TACC2: variants seen among roughly 807,000 people sequenced by gnomAD.
The protein encoded by TACC2 is transforming acidic coiled-coil-containing protein 2.
A neutral mutation model predicts 227.3 loss-of-function variants in TACC2; 137 were observed. The ratio of observed to expected loss-of-function variants is 0.60; its 90% CI spans 0.52 to 0.69. TACC2 has a LOEUF of 0.69. Among genes scored for constraint, TACC2 ranks in the 30% least tolerant of loss-of-function variants. TACC2 has a pLI of 0.00. For synonymous variants in TACC2, 1,523 were observed against 1,487.5 expected (o/e 1.02, Z -0.55); for missense variants, 3,470 against 3,694.4 (o/e 0.94, Z 1.57).
Position 122,083,346 on chromosome 10 carries a change from C to T in TACC2, c.846C>T (p.Ala282=). Residue 282 remains alanine (A), a synonymous_variant, in exon 4 of 23, where the codon GCC becomes GCT. Coordinates refer to ENST00000369005, the MANE Select transcript of TACC2 (RefSeq NM_206862.4). The part of the protein sequence containing the change: ...KPMAPIPQDP[A]PRASDRERGQ... ...TGGCCCCGATCCCACAAGATCCAGCCCCAAGAGCCTCAGACAGAGAAAGAG... is the reference window on the plus strand; with the variant it reads ...TGGCCCCGATCCCACAAGATCCAGCTCCAAGAGCCTCAGACAGAGAAAGAG... 1 of 1,613,984 alleles carries T rather than the reference C, an allele frequency of 6.2e-7. No homozygotes were observed.
chr10:122,099,657 C>G (rs576876843), intron 5 of TACC2, among the ~76,000 whole-genome samples: 48 of 152,334 alleles, frequency 3.2e-4, no homozygotes, highest in Non-Finnish European at 6.5e-4. Flanking sequence ...CGGCAACCCT[C>G]CTGCAAATGC....
Position 122,254,084 on chromosome 10 carries a change from T to C in TACC2, c.*28T>C. On this transcript the variant is annotated 3_prime_UTR_variant, in exon 23 of 23. Transcript: ENST00000369005. ...CTGAACCGAATGTTTTGGACTTAAC[T>C]GTTGCGTGCAATATGACCGTCGGCA... 1 of 1,602,798 alleles carries C rather than the reference T, an allele frequency of 6.2e-7. No individual in the cohort carries two copies. The highest frequency in any genetic ancestry group is 8.6e-7 in the Non-Finnish European group (1 of 1,169,588).
chr10:122,105,988 A>AT (rs35421851), intron 5 of TACC2, among the ~76,000 whole-genome samples: 3,113 of 124,664 alleles, frequency 0.025, 154 homozygotes, highest in African/African-American at 0.089. Flanking sequence ...ATACATATAC[A>AT]TTTTTTTTTT....
At chr10:122,179,156 C>G (rs2093867363) in intron 7 of TACC2, among the ~76,000 whole-genome samples, 1 of 152,168 alleles carries the variant, frequency 6.6e-6, no homozygotes, top group Non-Finnish European at 1.5e-5. Flanking sequence ...TTTCTTTTAT[C>G]ATGAAATTGA....
intron 7 of TACC2, among the ~76,000 whole-genome samples, chr10:122,149,549 AACAC>A (rs1400054982): frequency 2.8e-5 from 4 of 145,298 alleles, no homozygotes; most frequent in Non-Finnish European, 6.0e-5. Context: ...TCCCTCTGTC[AACAC>A]TTCTCCAAGA....
At chr10:122,097,986 C>T (rs1420501851) in intron 5 of TACC2, among the ~76,000 whole-genome samples, 1 of 152,106 alleles carries the variant, frequency 6.6e-6, no homozygotes, top group Non-Finnish European at 1.5e-5. Context: ...GCTTTCAGGA[C>T]ACGCTGGGTA....
chr10:122,085,069 G>A lies in TACC2; in HGVS notation c.2569G>A (p.Glu857Lys). Residue 857 changes from glutamate to lysine, a missense_variant, in exon 4 of 23, where the codon GAG becomes AAG. Coordinates refer to ENST00000369005, the MANE Select transcript of TACC2 (RefSeq NM_206862.4). The part of the protein sequence containing the change: ...EQAQPPENGK[E>K]TSPSHPGFKD... ...GGCCCAGCCACCTGAAAATGGGAAA[G>A]AGACTTCTCCAAGCCATCCAGGTTT... is the stretch of plus-strand genomic sequence containing the variant. The A allele has an allele frequency of 6.2e-7, 1 of 1,614,200 alleles. No homozygotes were observed. Among genetic ancestry groups the A allele is most frequent in the Non-Finnish European group, 8.5e-7 (1 of 1,180,038 alleles).
At position 122,150,872 on chromosome 10, in the gene TACC2, C is replaced by T. The variant is rs958661871; in HGVS notation, c.5834+7166C>T. On this transcript the variant is annotated intron_variant, in intron 7 of 22. Transcript: ENST00000369005. This position sits in a 1 kb window ranked among gnomAD's most constrained non-coding sequence, Gnocchi z 4.0. ...AGCCAGCCTCTCGGCAGATACATCCCGGTTGATTCTATGCCACGGACTATT... is the reference window on the plus strand; with the variant it reads ...AGCCAGCCTCTCGGCAGATACATCCTGGTTGATTCTATGCCACGGACTATT... 2.6e-5 allele frequency among the ~76,000 whole-genome samples: 4 copies of T among 152,142 alleles called. No individual in the cohort carries two copies. Among genetic ancestry groups the T allele is most frequent in the African/African-American group, 7.2e-5 (3 of 41,436 alleles).
At chr10:122,214,712 C>A (rs1467205098) in intron 9 of TACC2, among the ~76,000 whole-genome samples, 1 of 152,176 alleles carries the variant, frequency 6.6e-6, no homozygotes, top group African/African-American at 2.4e-5. Flanking sequence ...TCCTTTGCCT[C>A]TCAGCCCCGC....
chr10:122,011,158 A>T (rs1955871512), intron 1 of TACC2, among the ~76,000 whole-genome samples: 1 of 152,016 alleles, frequency 6.6e-6, no homozygotes. Context: ...TGGGTGAGGG[A>T]GCAGACAGAG....
intron 1 of TACC2, among the ~76,000 whole-genome samples, chr10:122,012,954 G>A (rs570955308): frequency 6.6e-6 from 1 of 152,354 alleles, no homozygotes; most frequent in South Asian, 2.1e-4. Context: ...GAAGGAGTGT[G>A]TCTGGCCTCT....
At chr10:122,064,187 G>C (rs994810523) in intron 3 of TACC2, among the ~76,000 whole-genome samples, 4 of 152,000 alleles carry the variant, frequency 2.6e-5, no homozygotes, top group Non-Finnish European at 5.9e-5. Flanking sequence ...GTGTGTGTGT[G>C]TGTATATAAT....
intron 1 of TACC2, among the ~76,000 whole-genome samples, chr10:122,005,352 G>C (rs1954939514): frequency 6.6e-6 from 1 of 150,610 alleles, no homozygotes; most frequent in East Asian, 2.0e-4. Context: ...CCAAAGTGCT[G>C]GGATTACAGG....
chr10:122,211,168 C>G lies in TACC2; in HGVS notation c.6743C>G (p.Ser2248Trp), dbSNP rs575786348. The G allele has an allele frequency of 5.0e-6, 8 of 1,611,556 alleles. No homozygotes were observed. The highest frequency in any genetic ancestry group is 6.8e-6 in the Non-Finnish European group (8 of 1,178,880). The change falls in exon 9 of 23, where the codon TCG (serine) becomes TGG (tryptophan). Residue 2248 changes from serine to tryptophan, a missense_variant. This residue lies in a region of TACC2 where 593 missense variants were observed against 636.6 expected (regional missense o/e 0.93). Transcript: ENST00000369005. The stretch of plus-strand genomic sequence containing the variant: ...CCGGAGGCAGGGGAGGTAACCCCAT[C>G]GGATAGCGGGGGGCAAGAGGACTCT... ...TAPEAGEVTPSDSGGQEDSPA... is the reference protein window; with the variant it reads ...TAPEAGEVTPWDSGGQEDSPA...
At chr10:122,143,457 TAA>T in intron 6 of TACC2, 113 bp from the exon 7 acceptor site, 1 of 1,156,484 alleles carries the variant, frequency 8.6e-7, no homozygotes, top group Non-Finnish European at 1.2e-6. Flanking sequence ...TGCTGGGGTT[TAA>T]AGAGTCCATT....
chr10:122,245,038 C>T (rs2096079133), intron 19 of TACC2: 1 of 152,254 alleles, frequency 6.6e-6, no homozygotes, highest in South Asian at 2.1e-4. Flanking sequence ...TCTGTTGCTT[C>T]TTGCCCTTTG....
At position 122,210,577 on chromosome 10, in the gene TACC2, C is replaced by T. The variant is rs1165326358; in HGVS notation, c.6152C>T (p.Thr2051Ile). Residue 2051 changes from threonine to isoleucine, a missense_variant, in exon 9 of 23, where the codon ACC (threonine) becomes ATC (isoleucine). This residue lies in a region of TACC2 where 593 missense variants were observed against 636.6 expected (regional missense o/e 0.93). Coordinates refer to ENST00000369005, the MANE Select transcript of TACC2 (RefSeq NM_206862.4). The surrounding 1 kb of genome is among the most constrained non-coding windows in gnomAD (Gnocchi z 4.6). ...ATTGAGCTTGTGGATACCTTTCAGACCTTGGAGCCTCGTGCCTCAGACGCT... is the reference window on the plus strand; with the variant it reads ...ATTGAGCTTGTGGATACCTTTCAGATCTTGGAGCCTCGTGCCTCAGACGCT... ...DNIELVDTFQ[T>I]LEPRASDAKN... The T allele has an allele frequency of 8.7e-6, 14 of 1,614,116 alleles. No homozygotes were observed. The highest frequency in any genetic ancestry group is 1.2e-5 in the Non-Finnish European group (14 of 1,180,028).
At chr10:121,995,928 A>G (rs764490564) in intron 1 of TACC2, among the ~76,000 whole-genome samples, 29 of 151,832 alleles carry the variant, frequency 1.9e-4, no homozygotes, top group Non-Finnish European at 3.2e-4. Flanking sequence ...TAAGTTTTGT[A>G]TTTTTAGTAA....
chr10:122,094,663 TG>T lies in TACC2; in HGVS notation c.5573+6073del, dbSNP rs1328410955. ...CCTTGGTGGCAGGGGCTGGATTCAC[TG>T]TCTTCAGGTGGCTGGGACAGGCATG... On this transcript the variant is annotated intron_variant, in intron 5 of 22. Transcript: ENST00000369005. Among the ~76,000 whole-genome samples the T allele has an allele frequency of 5.3e-5, 8 of 152,208 alleles. No homozygotes were observed. The South Asian group carries it at 1.2e-3, about 24-fold the overall frequency.
Sources: gnomAD v4.1 joint callset for allele counts (sites outside exome capture counted in the v4.1 genomes callset) on GRCh38, gnomAD v4.1.1 for gene constraint, gnomAD v4.1.1 regional missense constraint, Gnocchi (gnomAD v3.1) non-coding constraint, MANE v1.5 for transcripts, NCBI Gene and HGNC (gene_info 2026-07-23, HGNC 2026-07-21) for gene names.